TRPM3: variants seen among roughly 807,000 people sequenced by gnomAD.
TRPM3 encodes the protein transient receptor potential cation channel subfamily M member 3.
Under a neutral mutation model 181.2 loss-of-function variants are expected in TRPM3, and 77 were observed. That is an observed-to-expected ratio of 0.42 (90% confidence interval 0.35 to 0.51). TRPM3 has a LOEUF of 0.51. Ranked by LOEUF, TRPM3 falls within the 20% of genes least tolerant of loss-of-function variation. The probability of loss-of-function intolerance (pLI) is 0.01; values close to 1 mark genes in which losing one functional copy is unlikely to be tolerated. For synonymous variants in TRPM3, 745 were observed against 796.4 expected (o/e 0.94, Z 1.09); for missense variants, 1,759 against 2,196.7 (o/e 0.80, Z 3.98).
At chr9:71,002,967 G>A (rs942191978) in intron 1 of TRPM3, among the ~76,000 whole-genome samples, 1 of 151,926 alleles carries the variant, frequency 6.6e-6, no homozygotes, top group Non-Finnish European at 1.5e-5. Context: ...TTGATGTTGG[G>A]TCCAGGACTC....
At position 71,084,771 on chromosome 9, in the gene TRPM3, A is replaced by G. The variant is rs528174349; in HGVS notation, c.177+36407T>C. Among the ~76,000 whole-genome samples, 9 of 152,152 alleles carry G rather than the reference A, an allele frequency of 5.9e-5. No homozygotes were observed. In the South Asian group the frequency reaches 1.9e-3, roughly 32 times the overall value. On this transcript the variant is annotated intron_variant, in intron 1 of 25. Coordinates refer to ENST00000677713, the MANE Select transcript of TRPM3 (RefSeq NM_001366145.2). Reference sequence around the variant, plus strand: ...CATTTTTTGCAGAACTAGGAAAAAAAAAACTATTCTACAATTCATATAGAA... The same window carrying G: ...CATTTTTTGCAGAACTAGGAAAAAAGAAACTATTCTACAATTCATATAGAA...
intron 1 of TRPM3, among the ~76,000 whole-genome samples, chr9:71,192,826 T>C (rs180868346): frequency 5.5e-4 from 84 of 151,980 alleles, no homozygotes; most frequent in Non-Finnish European, 9.9e-4. Context: ...AAGAAAATCA[T>C]TGCCAAGACC....
chr9:71,304,303 T>G (rs2087057006), intron 1 of TRPM3, among the ~76,000 whole-genome samples: 1 of 152,206 alleles, frequency 6.6e-6, no homozygotes, highest in African/African-American at 2.4e-5. Flanking sequence ...CTAGACTATT[T>G]TTTCCAAACT....
At chr9:70,555,847 G>A (rs2031969613) in intron 22 of TRPM3, among the ~76,000 whole-genome samples, 1 of 152,178 alleles carries the variant, frequency 6.6e-6, no homozygotes, top group South Asian at 2.1e-4. Context: ...TCAGATCTCT[G>A]TGTAGACGCC....
At chr9:71,145,289 G>T (rs1025071044) in intron 1 of TRPM3, among the ~76,000 whole-genome samples, 38 of 152,136 alleles carry the variant, frequency 2.5e-4, no homozygotes, top group Admixed American at 9.2e-4. Flanking sequence ...AACTTCCCTG[G>T]AGCTAATACA....
At chr9:71,082,672 A>G (rs1411923887) in intron 1 of TRPM3, among the ~76,000 whole-genome samples, 2 of 152,156 alleles carry the variant, frequency 1.3e-5, no homozygotes, top group Admixed American at 1.3e-4. Flanking sequence ...AGTGGACTAA[A>G]TTATCTCACA....
chr9:70,555,752 C>T lies in TRPM3; in HGVS notation c.3224-2442G>A, dbSNP rs78415300. 2.6e-3 allele frequency among the ~76,000 whole-genome samples: 389 copies of T among 152,292 alleles called. 4 individuals are homozygous for T. The highest frequency in any genetic ancestry group is 8.8e-3 in the African/African-American group (367 of 41,564). On this transcript the variant is annotated intron_variant, in intron 22 of 25. Transcript: ENST00000677713. ...TTTTTCTCTCCTCTGCGAAGCTTCT[C>T]GCACCTACTCTACTCACTCCCTCCC... is the stretch of plus-strand genomic sequence containing the variant.
chr9:71,160,025 C>T (rs1453490431), intron 1 of TRPM3, among the ~76,000 whole-genome samples: 1 of 152,082 alleles, frequency 6.6e-6, no homozygotes, highest in East Asian at 1.9e-4. Context: ...CTCCCTACAA[C>T]CCCACTACAC....
chr9:70,999,982 C>G (rs1268023555), intron 1 of TRPM3, among the ~76,000 whole-genome samples: 1 of 152,130 alleles, frequency 6.6e-6, no homozygotes, highest in Non-Finnish European at 1.5e-5. Flanking sequence ...TGTGCCAAGT[C>G]TTTATTTTCA....
intron 9 of TRPM3, among the ~76,000 whole-genome samples, chr9:70,664,366 T>C (rs540369428): frequency 6.6e-6 from 1 of 152,332 alleles, no homozygotes; most frequent in Admixed American, 6.5e-5. Flanking sequence ...CAGGGAGTCA[T>C]CCAAATGCTA....
At chr9:71,331,307 A>G (rs939563537) in intron 1 of TRPM3, among the ~76,000 whole-genome samples, 1 of 151,888 alleles carries the variant, frequency 6.6e-6, no homozygotes, top group Non-Finnish European at 1.5e-5. Context: ...GAAAACTTTC[A>G]CTAATGTTCA....
chr9:70,623,185 C>G (rs555383079), intron 14 of TRPM3, among the ~76,000 whole-genome samples: 2 of 151,856 alleles, frequency 1.3e-5, no homozygotes, highest in Non-Finnish European at 2.9e-5. Flanking sequence ...GCCAACATGG[C>G]GAAACCCCTT....
At chr9:70,926,568 C>G (rs1468691061) in intron 1 of TRPM3, among the ~76,000 whole-genome samples, 1 of 152,150 alleles carries the variant, frequency 6.6e-6, no homozygotes, top group Non-Finnish European at 1.5e-5. Context: ...AAAAACACAA[C>G]TTTTTCTTCA....
chr9:71,271,232 A>G (rs1318751311), intron 1 of TRPM3, among the ~76,000 whole-genome samples: 1 of 151,990 alleles, frequency 6.6e-6, no homozygotes, highest in African/African-American at 2.4e-5. Context: ...ATCCCATTTT[A>G]TTTTCTTTCT....
At chr9:71,313,853 A>C (rs1448034841) in intron 1 of TRPM3, among the ~76,000 whole-genome samples, 2 of 152,184 alleles carry the variant, frequency 1.3e-5, no homozygotes, top group Non-Finnish European at 1.5e-5. Flanking sequence ...TTGAAAGAGT[A>C]TAATGAAGCA....
chr9:71,295,516 A>C (rs1035013182), intron 1 of TRPM3, among the ~76,000 whole-genome samples: 1 of 151,736 alleles, frequency 6.6e-6, no homozygotes, highest in African/African-American at 2.4e-5. Flanking sequence ...TAAAGTATGA[A>C]CATGTATCTA....
intron 1 of TRPM3, among the ~76,000 whole-genome samples, chr9:71,100,905 C>A (rs2068238643): frequency 6.6e-6 from 1 of 152,122 alleles, no homozygotes; most frequent in African/African-American, 2.4e-5. Context: ...CCGTGGATCT[C>A]AGGTTGAGTG....
At chr9:71,271,629 A>G (rs532041914) in intron 1 of TRPM3, among the ~76,000 whole-genome samples, 8 of 143,550 alleles carry the variant, frequency 5.6e-5, no homozygotes, top group South Asian at 2.2e-4. Context: ...GAAGAAGAAG[A>G]AAAAAAAAAA....
Position 70,537,020 on chromosome 9 carries a change from ACTTTTCTATACCAC to A in TRPM3, c.4079_4092del (p.Gly1360ValfsTer6). 1 of 1,610,058 alleles carries A rather than the reference ACTTTTCTATACCAC, an allele frequency of 6.2e-7. No individual in the cohort carries two copies. The highest frequency in any genetic ancestry group is 8.5e-7 in the Non-Finnish European group (1 of 1,176,622). On this transcript the variant is annotated frameshift_variant, in exon 26 of 26. Transcript: ENST00000677713. LOFTEE classifies it high-confidence loss of function. Reference sequence around the variant, plus strand: ...GACCTTTCTTTAAAAATACTTTCCAACTTTTCTATACCACCTTTGTCTTTCATATTGACCGAATA... The same window carrying A: ...GACCTTTCTTTAAAAATACTTTCCAACTTTGTCTTTCATATTGACCGAATA...
Sources: allele counts gnomAD v4.1 joint callset (sites outside exome capture counted in the v4.1 genomes callset), GRCh38; gene constraint gnomAD v4.1.1; transcripts MANE v1.5; gene names NCBI Gene and HGNC (gene_info 2026-07-23, HGNC 2026-07-21).